Variants in CPNE4 observed in about 807,000 individuals in gnomAD.
CPNE4 encodes copine 4.
A neutral mutation model predicts 67.9 loss-of-function variants in CPNE4; 25 were observed. The ratio of observed to expected loss-of-function variants is 0.37; its 90% CI spans 0.27 to 0.51. The LOEUF is 0.51. CPNE4 is among the 20% of genes least tolerant of loss of function. The pLI is 0.93. For synonymous variants in CPNE4, 242 were observed against 244.9 expected, an observed-to-expected ratio of 0.99 and a Z score of 0.11; for missense variants, 464 against 690.8, an observed-to-expected ratio of 0.67 and a Z score of 3.68.
At chr3:132,036,756 A>G (rs1467888139), upstream of CPNE4, among the ~76,000 whole-genome samples, 1 of 152,194 alleles carries the variant, frequency 6.6e-6, no homozygotes, top group African/African-American at 2.4e-5. Context: ...AATGCCTAGA[A>G]AGGTGTCTAC....
chr3:131,580,494 A>G (rs919158774), intron 9 of CPNE4, among the ~76,000 whole-genome samples: 3 of 151,420 alleles, frequency 2.0e-5, no homozygotes, highest in East Asian at 1.9e-4. Context: ...ACACACACGC[A>G]CACACACACA....
At position 131,780,571 on chromosome 3, in the gene CPNE4, C is replaced by A. The variant is rs79387944; in HGVS notation, c.181-56946G>T. Among the ~76,000 whole-genome samples, 542 of 152,140 alleles carry A rather than the reference C, an allele frequency of 3.6e-3. 5 individuals are homozygous for A. Among genetic ancestry groups the A allele is most frequent in the African/African-American group, 0.013 (526 of 41,506 alleles). ...GGCCGTTATCCGAAGCAAATTAATG[C>A]AGGAACAGAAAACCAAATACTTCAC... On this transcript the variant is annotated intron_variant, in intron 2 of 15. Transcript: ENST00000429747.
chr3:131,946,388 A>G (rs2071553079), intron 1 of CPNE4, among the ~76,000 whole-genome samples: 1 of 152,202 alleles, frequency 6.6e-6, no homozygotes, highest in Non-Finnish European at 1.5e-5. Context: ...ATAATATTCC[A>G]TTGTATGGAT....
At chr3:132,031,320 A>G (rs985204707) in intron 1 of CPNE4, among the ~76,000 whole-genome samples, 14 of 152,212 alleles carry the variant, frequency 9.2e-5, no homozygotes, top group Non-Finnish European at 4.4e-5. Context: ...GGATCTGCAA[A>G]GGTTTTTGTT....
intron 3 of CPNE4, among the ~76,000 whole-genome samples, chr3:131,714,444 A>G (rs1398293715): frequency 1.3e-5 from 2 of 152,202 alleles, no homozygotes; most frequent in African/African-American, 2.4e-5. Flanking sequence ...AGCTGTGTAC[A>G]TTGGCCTTTT....
chr3:131,662,813 A>G (rs970234947), intron 7 of CPNE4, among the ~76,000 whole-genome samples: 1 of 152,224 alleles, frequency 6.6e-6, no homozygotes, highest in Non-Finnish European at 1.5e-5. Flanking sequence ...TCGGGAAACA[A>G]CAGATGCTGG....
chr3:131,710,678 G>A (rs980910177), intron 3 of CPNE4, among the ~76,000 whole-genome samples: 9 of 152,012 alleles, frequency 5.9e-5, no homozygotes, highest in Admixed American at 3.3e-4. Context: ...TATCAAGCGG[G>A]GCTTCACATA....
At position 131,748,356 on chromosome 3, in the gene CPNE4, C is replaced by T. The variant is rs79782940; in HGVS notation, c.181-24731G>A. Among the ~76,000 whole-genome samples, 1,347 of 151,944 alleles carry T rather than the reference C, an allele frequency of 8.9e-3. 18 individuals carry two copies. Among genetic ancestry groups the T allele is most frequent in the African/African-American group, 0.031 (1,287 of 41,474 alleles). On this transcript the variant is annotated intron_variant, in intron 2 of 15. Coordinates refer to ENST00000429747, the MANE Select transcript of CPNE4 (RefSeq NM_130808.3). ...TTTATATAATGCTGAATTCTATTTGCTAATGGTAAGAATTTTTGCATCTAT... is the reference window on the plus strand; with the variant it reads ...TTTATATAATGCTGAATTCTATTTGTTAATGGTAAGAATTTTTGCATCTAT...
Position 131,728,797 on chromosome 3 carries a change from C to T in CPNE4, c.181-5172G>A, listed in dbSNP as rs1297493733. On this transcript the variant is annotated intron_variant, in intron 2 of 15. Coordinates refer to ENST00000429747, the MANE Select transcript of CPNE4 (RefSeq NM_130808.3). ...TGGTGGCAGGCGCCTGTAGTCCCAG[C>T]TACTCGGGAGGCTGAGGCGGGAGAA... Among the ~76,000 whole-genome samples the T allele has an allele frequency of 6.0e-5, 9 of 150,612 alleles. 1 individual carries two copies. Among genetic ancestry groups the T allele is most frequent in the African/African-American group, 2.2e-4 (9 of 40,888 alleles).
chr3:131,787,324 A>G (rs1294539489), intron 2 of CPNE4, among the ~76,000 whole-genome samples: 1 of 152,182 alleles, frequency 6.6e-6, no homozygotes, highest in Non-Finnish European at 1.5e-5. Context: ...AGAAACAGAA[A>G]TAACAGGATT....
At chr3:131,951,756 G>A (rs960314206) in intron 1 of CPNE4, among the ~76,000 whole-genome samples, 11 of 152,210 alleles carry the variant, frequency 7.2e-5, no homozygotes, top group Non-Finnish European at 1.5e-4. Context: ...GTGGAGATGG[G>A]GTTTCGCTGT....
intron 2 of CPNE4, among the ~76,000 whole-genome samples, chr3:131,882,921 G>A (rs1373384723): frequency 1.3e-5 from 2 of 152,004 alleles, no homozygotes; most frequent in African/African-American, 4.8e-5. Flanking sequence ...GTTTCACCAT[G>A]TTAGCCAGGA....
chr3:131,567,067 G>A (rs138106540), intron 10 of CPNE4, among the ~76,000 whole-genome samples: 320 of 152,028 alleles, frequency 2.1e-3, no homozygotes, highest in African/African-American at 7.1e-3. Flanking sequence ...TCATGCTTCT[G>A]CCTCTTGATA....
At chr3:131,792,925 G>GTGTGTGTGTA (rs58502463) in intron 2 of CPNE4, among the ~76,000 whole-genome samples, 54 of 135,230 alleles carry the variant, frequency 4.0e-4, no homozygotes, top group African/African-American at 1.3e-3. Flanking sequence ...GTGTGTGTGT[G>GTGTGTGTGTA]TATCTCCAAC....
chr3:131,967,152 G>A (rs2072373524), intron 1 of CPNE4, among the ~76,000 whole-genome samples: 1 of 152,136 alleles, frequency 6.6e-6, no homozygotes, highest in Non-Finnish European at 1.5e-5. Flanking sequence ...ATGCAGAAAA[G>A]GCCTTCAATA....
chr3:131,764,080 C>T lies in CPNE4; in HGVS notation c.181-40455G>A, dbSNP rs76861122. On this transcript the variant is annotated intron_variant, in intron 2 of 15. Transcript: ENST00000429747. ...AAGGATTTAATAACTTGCCCAAAGT[C>T]CCATGGCTGCTAAATGTCTGACCAG... 3.6e-3 allele frequency among the ~76,000 whole-genome samples: 546 copies of T among 152,148 alleles called. 1 individual carries two copies. The highest frequency in any genetic ancestry group is 8.8e-3 in the Admixed American group (134 of 15,242).
intron 2 of CPNE4, among the ~76,000 whole-genome samples, chr3:131,738,092 C>T (rs975828341): frequency 4.6e-5 from 7 of 152,180 alleles, no homozygotes; most frequent in East Asian, 1.9e-4. Context: ...ACTCAAGGTA[C>T]CATTCATTCT....
intron 1 of CPNE4, among the ~76,000 whole-genome samples, chr3:131,978,209 AAT>A (rs1382369992): frequency 4.1e-5 from 2 of 48,318 alleles, no homozygotes; most frequent in Non-Finnish European, 5.9e-5. Context: ...TATTATATAT[AAT>A]ATATATAATA....
chr3:131,578,424 T>C (rs1362959694), intron 9 of CPNE4, among the ~76,000 whole-genome samples: 1 of 152,090 alleles, frequency 6.6e-6, no homozygotes, highest in East Asian at 1.9e-4. Flanking sequence ...CCCTATCCCC[T>C]GAGACACTAC....
Sources: allele counts gnomAD v4.1 joint callset (sites outside exome capture counted in the v4.1 genomes callset), GRCh38; gene constraint gnomAD v4.1.1; transcripts MANE v1.5; gene names NCBI Gene and HGNC (gene_info 2026-07-23, HGNC 2026-07-21).